The following KMT2E variants were observed in gnomAD, a reference collection of about 807,000 sequenced individuals.
KMT2E encodes the protein lysine methyltransferase 2E (inactive).
In KMT2E, 30 loss-of-function variants were observed where a neutral mutation model predicts 184.6. That is an observed-to-expected ratio of 0.16 (90% CI 0.12 to 0.22). The LOEUF (loss-of-function observed/expected upper bound fraction) is 0.22, where lower values mean the gene tolerates loss of function less well. Ranked by LOEUF, KMT2E falls within the 10% of genes least tolerant of loss-of-function variation. The pLI is 1.00. For synonymous variants in KMT2E, 815 were observed against 776.5 expected, an observed-to-expected ratio of 1.05 and a Z score of -0.82; for missense variants, 2,023 against 2,237.4, an observed-to-expected ratio of 0.90 and a Z score of 1.93.
intron 6 of KMT2E, among the ~76,000 whole-genome samples, chr7:105,071,609 T>TATATATATATATA (rs1491132838): frequency 2.6e-4 from 12 of 45,396 alleles, no homozygotes; most frequent in East Asian, 1.6e-3. Context: ...TATATATATA[T>TATATATATATATA]TTTTTTTTTT....
At chr7:105,030,893 A>T (rs951900159) in intron 1 of KMT2E, among the ~76,000 whole-genome samples, 2 of 152,218 alleles carry the variant, frequency 1.3e-5, no homozygotes, top group Non-Finnish European at 2.9e-5. Flanking sequence ...CATCAGAAAG[A>T]TTTGTTTAAA....
chr7:105,040,051 C>T (rs1389182759), intron 2 of KMT2E, among the ~76,000 whole-genome samples: 2 of 152,122 alleles, frequency 1.3e-5, no homozygotes, highest in African/African-American at 2.4e-5. Context: ...AATATTAACT[C>T]TTTAATAACT....
chr7:105,060,226 C>G lies in KMT2E; in HGVS notation c.72-1938C>G, dbSNP rs181955251. 3.7e-3 allele frequency among the ~76,000 whole-genome samples: 561 copies of G among 151,562 alleles called. 11 individuals are homozygous for G. The highest frequency in any genetic ancestry group is 0.034 in the Admixed American group (513 of 15,242). On this transcript the variant is annotated intron_variant, in intron 3 of 26. Coordinates refer to ENST00000311117, the MANE Select transcript of KMT2E (RefSeq NM_182931.3). ...GCCAGGCTGGTCTTGAACTCCTGACCTTGTGATCCACCCGCCTCTGCCTCC... is the reference window on the plus strand; with the variant it reads ...GCCAGGCTGGTCTTGAACTCCTGACGTTGTGATCCACCCGCCTCTGCCTCC...
chr7:105,033,492 T>C lies in KMT2E; in HGVS notation c.-188-4634T>C, dbSNP rs549533893. 7.2e-5 allele frequency among the ~76,000 whole-genome samples: 11 copies of C among 152,232 alleles called. 1 individual carries two copies. The highest frequency in any genetic ancestry group is 7.2e-4 in the Admixed American group (11 of 15,274). ...TATTTTTGTTTGTTTTGCTTTTTTT[T>C]GTTGCTTTTTGTTTTTGCTTTTTTG... On this transcript the variant is annotated intron_variant, in intron 1 of 26. Coordinates refer to ENST00000311117, the MANE Select transcript of KMT2E (RefSeq NM_182931.3).
chr7:105,099,620 C>T (rs775134313), intron 15 of KMT2E, among the ~76,000 whole-genome samples: 1 of 152,142 alleles, frequency 6.6e-6, no homozygotes, highest in South Asian at 2.1e-4. Context: ...GGCATAAATT[C>T]ATATTTACCT....
chr7:105,061,000 A>C (rs1302428624), intron 3 of KMT2E, among the ~76,000 whole-genome samples: 1 of 152,208 alleles, frequency 6.6e-6, no homozygotes, highest in African/African-American at 2.4e-5. Flanking sequence ...AATGTTAAGC[A>C]AAGCATGACT....
intron 15 of KMT2E, among the ~76,000 whole-genome samples, chr7:105,092,750 T>C (rs1798256527): frequency 2.0e-5 from 3 of 152,206 alleles, no homozygotes; most frequent in African/African-American, 7.2e-5. Context: ...TGTTTATTCT[T>C]CAACTGACAC....
At chr7:105,111,799 G>T (rs1398713976) in intron 26 of KMT2E, 26 bp from the exon 27 acceptor site, 3 of 1,580,308 alleles carry the variant, frequency 1.9e-6, no homozygotes, top group Non-Finnish European at 1.7e-6. Context: ...TTCCTTGAAT[G>T]TATATAATTT....
At position 105,113,587 on chromosome 7, in the gene KMT2E, G is replaced by T; in HGVS notation, c.*254G>T. ...TTTCTGGCAGATCTGATGCTGATTT[G>T]ATGCTGTATGATCTTTTTTTTTTTT... On this transcript the variant is annotated 3_prime_UTR_variant, in exon 27 of 27. Coordinates refer to ENST00000311117, the MANE Select transcript of KMT2E (RefSeq NM_182931.3). 6.2e-6 allele frequency: 2 copies of T among 322,456 alleles called. No individual in the cohort carries two copies. The highest frequency in any genetic ancestry group is 1.1e-5 in the Non-Finnish European group (2 of 177,288). 20.0% of individuals were successfully genotyped at this position (322,456 alleles called of 1,614,324 possible).
chr7:105,020,092 A>G (rs1425429504), intron 1 of KMT2E, among the ~76,000 whole-genome samples: 2 of 147,428 alleles, frequency 1.4e-5, no homozygotes, highest in Admixed American at 6.8e-5. Context: ...TGGGCGATAG[A>G]GTGAGACTCT....
rs150863368 is a variant in KMT2E, at chr7:105,049,635, A to G, written c.71+8612A>G. Among the ~76,000 whole-genome samples, 627 of 152,210 alleles carry G rather than the reference A, an allele frequency of 4.1e-3. 2 individuals carry two copies. The highest frequency in any genetic ancestry group is 0.014 in the African/African-American group (599 of 41,544). On this transcript the variant is annotated intron_variant, in intron 3 of 26. Coordinates refer to ENST00000311117, the MANE Select transcript of KMT2E (RefSeq NM_182931.3). ...GCCAGGCGCGGTGGCTCACGCCTGTAATCCCAGCACTTTGGGAGGCTGAGG... is the reference window on the plus strand; with the variant it reads ...GCCAGGCGCGGTGGCTCACGCCTGTGATCCCAGCACTTTGGGAGGCTGAGG...
At chr7:105,102,694 G>C (rs1798706486) in intron 17 of KMT2E, 1 of 153,752 alleles carries the variant, frequency 6.5e-6, no homozygotes, top group Admixed American at 6.5e-5. Flanking sequence ...AGCTTTTTCA[G>C]ATCAGAAATA....
At chr7:105,031,399 A>C (rs1217349984) in intron 1 of KMT2E, among the ~76,000 whole-genome samples, 1 of 148,772 alleles carries the variant, frequency 6.7e-6, no homozygotes, top group Admixed American at 6.6e-5. Context: ...AAAGAATGAC[A>C]GAATAAAATA....
chr7:105,091,990 C>G (rs1397818290), intron 15 of KMT2E, among the ~76,000 whole-genome samples: 2 of 152,188 alleles, frequency 1.3e-5, no homozygotes, highest in East Asian at 3.8e-4. Flanking sequence ...AATGACTTTA[C>G]AAACTGACTG....
At chr7:105,072,563 G>C (rs1473160379) in intron 6 of KMT2E, among the ~76,000 whole-genome samples, 2 of 152,126 alleles carry the variant, frequency 1.3e-5, no homozygotes, top group Non-Finnish European at 1.5e-5. Context: ...AGTTGGGGGG[G>C]AATGTAAAAG....
intron 24 of KMT2E, 51 bp from the exon 25 acceptor site, chr7:105,110,426 G>A (rs188572289): frequency 7.4e-6 from 12 of 1,613,988 alleles, no homozygotes; most frequent in African/African-American, 2.7e-5. Flanking sequence ...CTGCATCCTC[G>A]TTCTTTGCAG....
intron 17 of KMT2E, chr7:105,104,603 T>A (rs1371799814): frequency 1.3e-5 from 2 of 151,776 alleles, no homozygotes. Flanking sequence ...GCTAAGGTGG[T>A]AGGATGACTT....
rs887785810 is a variant in KMT2E at position 105,112,637 on chromosome 7, C to T, written c.4881C>T (p.Pro1627=). 1.9e-6 allele frequency: 3 copies of T among 1,613,842 alleles called. No homozygotes were observed. The highest frequency in any genetic ancestry group is 1.7e-5 in the Admixed American group (1 of 59,992). The change falls in exon 27 of 27, where the codon CCC becomes CCT. Residue 1627 remains proline, a synonymous_variant. Transcript: ENST00000311117. Reference sequence around the variant, plus strand: ...ATCAAACTGCTGCTGCCGTAGTCCCCCCTCCTCCTCCACCACCACCTGCTC... The same window carrying T: ...ATCAAACTGCTGCTGCCGTAGTCCCTCCTCCTCCTCCACCACCACCTGCTC... ...IHHQTAAAVV[P]PPPPPPPAPG...
chr7:105,078,657 CTTTTTTTTTTTTTTTTTT>C (rs71152940), intron 11 of KMT2E, among the ~76,000 whole-genome samples, 171 bp from the exon 12 acceptor site: 62 of 46,728 alleles, frequency 1.3e-3, no homozygotes, highest in African/African-American at 5.5e-3. Flanking sequence ...CATGCCTGGC[CTTTTTTTTTTTTTTTTTT>C]TTTTTTTTTT....
Sources: allele counts gnomAD v4.1 joint callset (sites outside exome capture counted in the v4.1 genomes callset), GRCh38; gene constraint gnomAD v4.1.1; transcripts MANE v1.5; gene names NCBI Gene and HGNC (gene_info 2026-07-23, HGNC 2026-07-21).